The following BRD3 variants were observed in gnomAD, a reference collection of about 807,000 sequenced individuals.
BRD3 encodes bromodomain-containing protein 3.
A neutral mutation model predicts 66.8 loss-of-function variants in BRD3; 17 were observed. That is an observed-to-expected ratio of 0.25 (90% CI 0.17 to 0.38). The LOEUF is 0.38. BRD3 is among the 10% of genes least tolerant of loss of function. The probability of loss-of-function intolerance (pLI) is 1.00; values close to 1 mark genes in which losing one functional copy is unlikely to be tolerated. For missense variants in BRD3, 713 were observed against 956.1 expected (o/e 0.75, Z 3.35); for synonymous variants, 421 against 393.2 (o/e 1.07, Z -0.84).
At chr9:134,047,151 G>A (rs1340768263) in intron 6 of BRD3, among the ~76,000 whole-genome samples, 2 of 152,234 alleles carry the variant, frequency 1.3e-5, no homozygotes, top group East Asian at 3.9e-4. Context: ...GGTCTGTCCT[G>A]CCCGAGATCC....
intron 4 of BRD3, 63 bp from the exon 5 acceptor site, chr9:134,050,651 G>A (rs1020894456): frequency 7.3e-7 from 1 of 1,375,490 alleles, no homozygotes; most frequent in Non-Finnish European, 1.0e-6. Flanking sequence ...GAAGCTTCCA[G>A]TGCCACCCCT....
At chr9:134,061,354 C>A (rs1348574947) in intron 1 of BRD3, among the ~76,000 whole-genome samples, 1 of 152,210 alleles carries the variant, frequency 6.6e-6, no homozygotes, top group African/African-American at 2.4e-5. Context: ...AGCAAACAGG[C>A]AGGGTTGGGA....
chr9:134,059,627 C>T (rs1234652332), intron 1 of BRD3, among the ~76,000 whole-genome samples: 1 of 152,226 alleles, frequency 6.6e-6, no homozygotes, highest in African/African-American at 2.4e-5. Flanking sequence ...GGGGGCCCCA[C>T]ACCACAGGGA....
At chr9:134,042,350 A>T (rs906345565) in intron 7 of BRD3, among the ~76,000 whole-genome samples, 4 of 152,192 alleles carry the variant, frequency 2.6e-5, no homozygotes, top group African/African-American at 9.6e-5. Context: ...CAGGAGTCCA[A>T]GAGTGTTGAC....
intron 1 of BRD3, chr9:134,057,323 G>C (rs1336469540): frequency 6.6e-6 from 1 of 152,228 alleles, no homozygotes; most frequent in African/African-American, 2.4e-5. Context: ...TGCCCCAGAG[G>C]GTGCACAAGC....
chr9:134,059,253 C>T (rs961498125), intron 1 of BRD3, among the ~76,000 whole-genome samples: 6 of 152,230 alleles, frequency 3.9e-5, no homozygotes, highest in African/African-American at 1.4e-4. Flanking sequence ...CCTCCCTTCT[C>T]CCCGGGCCCC....
intron 5 of BRD3, 48 bp downstream of exon 5, chr9:134,050,326 C>A: frequency 6.4e-7 from 1 of 1,565,554 alleles, no homozygotes; most frequent in South Asian, 1.1e-5. Flanking sequence ...ACCTCAGGAA[C>A]CCTGGCCGGG....
intron 1 of BRD3, among the ~76,000 whole-genome samples, chr9:134,062,559 C>T (rs1830566866): frequency 2.6e-5 from 4 of 152,030 alleles, no homozygotes; most frequent in Admixed American, 2.0e-4. Flanking sequence ...CCTGCCATGA[C>T]GCCCCCACAG....
At chr9:134,056,386 C>T (rs779458843) in intron 1 of BRD3, among the ~76,000 whole-genome samples, 21 of 152,214 alleles carry the variant, frequency 1.4e-4, no homozygotes, top group African/African-American at 2.4e-4. Flanking sequence ...GCCCCACCCT[C>T]GGTGGTGAGG....
intron 1 of BRD3, chr9:134,057,091 A>G (rs1368519681): frequency 1.3e-5 from 2 of 152,282 alleles, no homozygotes; most frequent in Admixed American, 1.3e-4. Flanking sequence ...GATGAGGCAA[A>G]CAGCTTCCCG....
chr9:134,043,779 C>T (rs1018079514), intron 7 of BRD3, among the ~76,000 whole-genome samples: 1 of 152,210 alleles, frequency 6.6e-6, no homozygotes, highest in South Asian at 2.1e-4. Flanking sequence ...CAGTCTCCAA[C>T]GCCCGGGCTC....
At chr9:134,042,756 CACATAT>C in intron 7 of BRD3, among the ~76,000 whole-genome samples, 1 of 146,202 alleles carries the variant, frequency 6.8e-6, no homozygotes, top group African/African-American at 2.5e-5. Context: ...CACATATATA[CACATAT>C]ATACACACAC....
intron 1 of BRD3, among the ~76,000 whole-genome samples, chr9:134,054,998 A>T (rs1830385793): frequency 6.6e-6 from 1 of 152,148 alleles, no homozygotes; most frequent in Non-Finnish European, 1.5e-5. Flanking sequence ...GGCCTCATCC[A>T]GGGAAGCCCC....
At chr9:134,053,122 G>T in intron 2 of BRD3, 143 bp downstream of exon 2, 1 of 920,524 alleles carries the variant, frequency 1.1e-6, no homozygotes, top group Non-Finnish European at 1.7e-6. Context: ...TCTGTGCTGT[G>T]GACTTCCTGA....
At chr9:134,041,201 G>A (rs118172831) in intron 8 of BRD3, among the ~76,000 whole-genome samples, 2 of 152,332 alleles carry the variant, frequency 1.3e-5, no homozygotes, top group East Asian at 3.9e-4. Context: ...GCATCTGGCT[G>A]GCTGCCAGAG....
intron 5 of BRD3, among the ~76,000 whole-genome samples, chr9:134,049,234 G>A (rs1830240674): frequency 6.6e-6 from 1 of 152,168 alleles, no homozygotes; most frequent in African/African-American, 2.4e-5. Context: ...TGGGCAGCCT[G>A]CAAGGGCCTC....
rs1829981270 is a variant in BRD3, at chr9:134,038,756, G to C, written c.1643+1278C>G. 3.3e-5 allele frequency among the ~76,000 whole-genome samples: 5 copies of C among 152,220 alleles called. 1 individual carries two copies. Among genetic ancestry groups the C allele is most frequent in the Admixed American group, 3.3e-4 (5 of 15,282 alleles). On this transcript the variant is annotated intron_variant, in intron 9 of 11. Transcript: ENST00000303407. ...CTCACTGGAGCATTTCAGATTTTCA[G>C]ATTTGAGATGCTTCAGTTTTGAGAT...
At chr9:134,057,122 C>A (rs1830441820) in intron 1 of BRD3, 1 of 152,262 alleles carries the variant, frequency 6.6e-6, no homozygotes, top group Admixed American at 6.5e-5. Context: ...ATGCACCTTC[C>A]ACGTCTGTGC....
chr9:134,045,984 G>C lies in BRD3; in HGVS notation c.1087-563C>G. On this transcript the variant is annotated intron_variant, in intron 6 of 11. Coordinates refer to ENST00000303407, the MANE Select transcript of BRD3 (RefSeq NM_007371.4). This position sits in a 1 kb window ranked among gnomAD's most constrained non-coding sequence, Gnocchi z 4.8. Reference sequence around the variant, plus strand: ...TAAGGGACTCCACGCTGTGTCCAGCGGCAGCTCCTGAACCCCACAGGGGTG... The same window carrying C: ...TAAGGGACTCCACGCTGTGTCCAGCCGCAGCTCCTGAACCCCACAGGGGTG... 6.6e-6 allele frequency among the ~76,000 whole-genome samples: 1 copy of C among 152,326 alleles called. No homozygotes were observed. Among genetic ancestry groups the C allele is most frequent in the South Asian group, 2.1e-4 (1 of 4,826 alleles).
Sources: gnomAD v4.1 joint callset for allele counts (sites outside exome capture counted in the v4.1 genomes callset) on GRCh38, gnomAD v4.1.1 for gene constraint, Gnocchi (gnomAD v3.1) non-coding constraint, MANE v1.5 for transcripts, NCBI Gene and HGNC (gene_info 2026-07-23, HGNC 2026-07-21) for gene names.